The following CACNA1D variants were observed in gnomAD, a reference collection of about 807,000 sequenced individuals.
CACNA1D encodes calcium voltage-gated channel subunit alpha1 D, also known as voltage-dependent L-type calcium channel subunit alpha-1D.
CACNA1D carries 55 observed loss-of-function variants against 257.1 expected under a neutral mutation model. That is an observed-to-expected ratio of 0.21 (90% CI 0.17 to 0.27). CACNA1D has a LOEUF of 0.27. CACNA1D is among the 10% of genes least tolerant of loss of function. The pLI is 1.00. For synonymous variants in CACNA1D, 980 were observed against 1,014.9 expected, an observed-to-expected ratio of 0.97 and a Z score of 0.65; for missense variants, 1,876 against 2,784.0, an observed-to-expected ratio of 0.67 and a Z score of 7.34.
At chr3:53,636,800 C>G (rs1426480656) in intron 3 of CACNA1D, among the ~76,000 whole-genome samples, 1 of 152,216 alleles carries the variant, frequency 6.6e-6, no homozygotes, top group African/African-American at 2.4e-5. Flanking sequence ...TATTCTACTT[C>G]CTATAATTGA....
chr3:53,793,381 C>T lies in CACNA1D; in HGVS notation c.4923+6429C>T, dbSNP rs943844198. ...TCCCTCTGTCTGTCTTTGACCCACC[C>T]GACGTTGAGTTGATTCAGTGCTGAA... On this transcript the variant is annotated intron_variant, in intron 40 of 47. Transcript: ENST00000350061. This position sits in a 1 kb window ranked among gnomAD's most constrained non-coding sequence, Gnocchi z 4.1. Among the ~76,000 whole-genome samples the T allele has an allele frequency of 3.9e-5, 6 of 152,182 alleles. No homozygotes were observed. The highest frequency in any genetic ancestry group is 5.9e-5 in the Non-Finnish European group (4 of 68,034).
chr3:53,760,934 T>C (rs1431943948), intron 29 of CACNA1D, among the ~76,000 whole-genome samples: 1 of 152,182 alleles, frequency 6.6e-6, no homozygotes, highest in African/African-American at 2.4e-5. Flanking sequence ...CCTTCAGGGC[T>C]TTTGATTGGT....
chr3:53,528,596 G>A (rs183192087), intron 3 of CACNA1D, among the ~76,000 whole-genome samples: 14 of 152,288 alleles, frequency 9.2e-5, no homozygotes, highest in African/African-American at 3.1e-4. Flanking sequence ...TGATTGAGAT[G>A]ACGTCGAATC....
intron 3 of CACNA1D, among the ~76,000 whole-genome samples, chr3:53,519,227 T>G (rs1047138921): frequency 6.6e-6 from 1 of 152,222 alleles, no homozygotes; most frequent in Non-Finnish European, 1.5e-5. Context: ...AAGTCACAGC[T>G]GTCATTCAGG....
Position 53,519,443 on chromosome 3 carries a change from T to C in CACNA1D, c.483+17723T>C, listed in dbSNP as rs144068436. Among the ~76,000 whole-genome samples the C allele has an allele frequency of 1.5e-3, 227 of 152,272 alleles. 2 individuals are homozygous for C. The highest frequency in any genetic ancestry group is 5.0e-3 in the African/African-American group (208 of 41,552). ...TGAAGCTGTGCGAGACGACAAAGAC[T>C]GTTGTAGAAAGAGGCCTCTTGCTTA... On this transcript the variant is annotated intron_variant, in intron 3 of 47. Transcript: ENST00000350061.
rs780101855 is a variant in CACNA1D, at chr3:53,497,354, G to A, written c.270G>A (p.Lys90=). 6.2e-7 allele frequency: 1 copy of A among 1,614,070 alleles called. No homozygotes were observed. Among genetic ancestry groups the A allele is most frequent in the South Asian group, 1.1e-5 (1 of 91,074 alleles). Residue 90 remains lysine (K), a synonymous_variant, in exon 2 of 48, where the codon AAG becomes AAA. Transcript: ENST00000350061. ...AAAGAAAACGTCAGCAATACGCCAA[G>A]AGCAAAAAACAGGGTAACTCGTCCA... The part of the protein sequence containing the change: ...LSQRKRQQYA[K]SKKQGNSSNS...
At chr3:53,589,872 C>T (rs1425655226) in intron 3 of CACNA1D, among the ~76,000 whole-genome samples, 1 of 152,154 alleles carries the variant, frequency 6.6e-6, no homozygotes, top group Non-Finnish European at 1.5e-5. Context: ...ACTTGCATAC[C>T]CTGGGCCTCA....
rs1020377714 is a variant in CACNA1D, at chr3:53,793,467, C to T, written c.4923+6515C>T. On this transcript the variant is annotated intron_variant, in intron 40 of 47. Transcript: ENST00000350061. The surrounding 1 kb of genome is among the most constrained non-coding windows in gnomAD (Gnocchi z 4.1). ...TGTCTCAGAGGGCCGGTGTGACCGACCTTCTAGATCCAAGATTCCATACAC... is the reference window on the plus strand; with the variant it reads ...TGTCTCAGAGGGCCGGTGTGACCGATCTTCTAGATCCAAGATTCCATACAC... 8.5e-5 allele frequency among the ~76,000 whole-genome samples: 13 copies of T among 152,192 alleles called. No individual in the cohort carries two copies. The highest frequency in any genetic ancestry group is 3.1e-4 in the African/African-American group (13 of 41,450).
At chr3:53,681,925 G>T (rs972360376) in intron 8 of CACNA1D, among the ~76,000 whole-genome samples, 10 of 152,278 alleles carry the variant, frequency 6.6e-5, no homozygotes, top group South Asian at 4.1e-4. Flanking sequence ...GGAAGGAGCA[G>T]AGGATGCTGG....
At chr3:53,791,570 A>ACCTCCTGAGCGTCCGGC (rs1443913905) in intron 40 of CACNA1D, 2 of 153,772 alleles carry the variant, frequency 1.3e-5, no homozygotes, top group Non-Finnish European at 2.9e-5. Context: ...GTCCGCCATG[A>ACCTCCTGAGCGTCCGGC]CCTCCTGAGC....
chr3:53,707,636 G>A (rs2094704456), intron 9 of CACNA1D, among the ~76,000 whole-genome samples: 1 of 152,116 alleles, frequency 6.6e-6, no homozygotes, highest in Non-Finnish European at 1.5e-5. Context: ...ACTTTTTGCT[G>A]AGCTTCAAGT....
At chr3:53,787,142 GCCTA>G (rs2095458202) in intron 40 of CACNA1D, among the ~76,000 whole-genome samples, 190 bp downstream of exon 40, 2 of 152,050 alleles carry the variant, frequency 1.3e-5, no homozygotes, top group African/African-American at 4.8e-5. Flanking sequence ...CCTCCCCGAT[GCCTA>G]CCCCATAGAG....
intron 3 of CACNA1D, among the ~76,000 whole-genome samples, chr3:53,502,280 G>A (rs1015751416): frequency 2.0e-5 from 3 of 152,072 alleles, no homozygotes; most frequent in African/African-American, 7.2e-5. Context: ...CCTATGAAAT[G>A]CTCCAAGAGA....
chr3:53,543,289 G>A (rs1419298430), intron 3 of CACNA1D, among the ~76,000 whole-genome samples: 4 of 152,034 alleles, frequency 2.6e-5, no homozygotes, highest in African/African-American at 7.2e-5. Context: ...TTATAATTAC[G>A]ATTTTAAAGA....
chr3:53,749,513 G>A, intron 27 of CACNA1D, 44 bp downstream of exon 27: 1 of 1,360,950 alleles, frequency 7.3e-7, no homozygotes, highest in Non-Finnish European at 1.1e-6. Context: ...TTGGTCAGGA[G>A]CGGAGTGCCT....
At chr3:53,784,371 C>T (rs1201727468) in intron 39 of CACNA1D, among the ~76,000 whole-genome samples, 1 of 152,194 alleles carries the variant, frequency 6.6e-6, no homozygotes, top group East Asian at 1.9e-4. Context: ...CAGTCCGGAG[C>T]CCAGATGGCC....
intron 3 of CACNA1D, among the ~76,000 whole-genome samples, chr3:53,565,711 T>TG (rs1355653993): frequency 1.3e-5 from 2 of 152,204 alleles, no homozygotes; most frequent in Non-Finnish European, 2.9e-5. Context: ...TTGTATAAGG[T>TG]GAAAAACAAG....
chr3:53,600,528 G>A (rs2107869383), intron 3 of CACNA1D, among the ~76,000 whole-genome samples: 1 of 152,298 alleles, frequency 6.6e-6, no homozygotes, highest in Admixed American at 6.5e-5. Flanking sequence ...AAAGTAATGT[G>A]CCCAAAGACG....
intron 44 of CACNA1D, among the ~76,000 whole-genome samples, chr3:53,804,576 G>C (rs1033547330): frequency 1.3e-5 from 2 of 152,106 alleles, no homozygotes; most frequent in Non-Finnish European, 2.9e-5. Context: ...TTTGATTTCT[G>C]TGTGCTCATG....
Sources: allele counts gnomAD v4.1 joint callset (sites outside exome capture counted in the v4.1 genomes callset), GRCh38; gene constraint gnomAD v4.1.1; non-coding constraint Gnocchi (gnomAD v3.1); transcripts MANE v1.5; gene names NCBI Gene and HGNC (gene_info 2026-07-23, HGNC 2026-07-21).